The following PLEKHG4B variants were observed in gnomAD, a reference collection of about 807,000 sequenced individuals.
PLEKHG4B encodes the protein pleckstrin homology domain-containing family G member 4B.
Under a neutral mutation model 121.3 loss-of-function variants are expected in PLEKHG4B, and 111 were observed. The observed-to-expected ratio is 0.92, with a 90% CI of 0.78 to 1.07. The LOEUF is 1.07. Ranked by LOEUF, PLEKHG4B falls within the 50% of genes least tolerant of loss-of-function variation. PLEKHG4B has a pLI of 0.00. For synonymous variants in PLEKHG4B, 738 were observed against 725.0 expected, an observed-to-expected ratio of 1.02 and a Z score of -0.29; for missense variants, 1,831 against 1,757.8, an observed-to-expected ratio of 1.04 and a Z score of -0.74.
rs1465533085 is a variant in PLEKHG4B, at chr5:143,385, C to T, written c.1693C>T (p.Arg565Ter). ...CCCTGTCTCTGTCTCCGCAGGGACC[C>T]GAGACCGTCATGGCAGAGCAGTGGT... ...QSGVVTLPGT[R>*]DRHGRAVVQV... is the part of the protein sequence containing the mutation. The change falls in exon 5 of 20, where the codon CGA becomes TGA. Residue 565 changes from arginine to a stop codon, truncating the protein, a stop_gained. Coordinates refer to ENST00000637938, the MANE Select transcript of PLEKHG4B (RefSeq NM_052909.5). LOFTEE classifies it high-confidence loss of function. 5 of 1,612,320 alleles carry T rather than the reference C, an allele frequency of 3.1e-6. No homozygotes were observed. Among genetic ancestry groups the T allele is most frequent in the East Asian group, 2.2e-5 (1 of 44,872 alleles).
chr5:160,352 T>G (rs904594339), intron 11 of PLEKHG4B, among the ~76,000 whole-genome samples: 1 of 152,214 alleles, frequency 6.6e-6, no homozygotes, highest in Non-Finnish European at 1.5e-5. Flanking sequence ...TCTGGATACA[T>G]TCCTAGGCTC....
At chr5:127,961 A>G (rs1734668365) in intron 2 of PLEKHG4B, among the ~76,000 whole-genome samples, 1 of 152,174 alleles carries the variant, frequency 6.6e-6, no homozygotes, top group African/African-American at 2.4e-5. Flanking sequence ...GAATTTAAAC[A>G]TTTTCTGGCT....
chr5:116,632 G>A (rs1447544901), intron 2 of PLEKHG4B, among the ~76,000 whole-genome samples: 1 of 152,224 alleles, frequency 6.6e-6, no homozygotes, highest in Admixed American at 6.5e-5. Context: ...CGGGTTGTGG[G>A]TGTGTTGCAG....
chr5:173,921 G>C lies in PLEKHG4B; in HGVS notation c.4225G>C (p.Ala1409Pro). 1.2e-6 allele frequency: 2 copies of C among 1,613,176 alleles called. No individual in the cohort carries two copies. The highest frequency in any genetic ancestry group is 1.7e-6 in the Non-Finnish European group (2 of 1,179,762). Residue 1409 changes from alanine to proline, a missense_variant, in exon 18 of 20, where the codon GCC becomes CCC. Physicochemically the swap from Ala to Pro is conservative, Grantham distance 27 (BLOSUM62 -1). Transcript: ENST00000637938. The part of the protein sequence containing the change: ...VYLYKQSFKT[A>P]EIGMTENVGD... ...AATGGGTGTTTGCTGACTGCAGACG[G>C]CCGAGATCGGGATGACAGAGAACGT...
intron 6 of PLEKHG4B, among the ~76,000 whole-genome samples, chr5:149,037 A>G (rs920897911): frequency 6.6e-6 from 1 of 152,242 alleles, no homozygotes; most frequent in Non-Finnish European, 1.5e-5. Flanking sequence ...ATGAACTTAG[A>G]TTCTTACCTA....
intron 2 of PLEKHG4B, among the ~76,000 whole-genome samples, chr5:125,325 C>A (rs530213676): frequency 2.0e-5 from 3 of 152,086 alleles, no homozygotes; most frequent in Non-Finnish European, 2.9e-5. Context: ...GTCTTAAATT[C>A]TTTCCTTGTT....
intron 2 of PLEKHG4B, among the ~76,000 whole-genome samples, chr5:131,445 CT>C (rs1189881155): frequency 4.6e-5 from 7 of 151,166 alleles, no homozygotes; most frequent in African/African-American, 4.9e-5. Flanking sequence ...TGAACTCATG[CT>C]TTTTTTTTAT....
intron 1 of PLEKHG4B, among the ~76,000 whole-genome samples, chr5:94,874 A>G (rs1365930298): frequency 6.6e-6 from 1 of 152,106 alleles, no homozygotes; most frequent in Non-Finnish European, 1.5e-5. Context: ...TTCATTGTTT[A>G]CAGGAATCAT....
intron 2 of PLEKHG4B, among the ~76,000 whole-genome samples, chr5:115,900 A>G (rs1056339035): frequency 1.5e-4 from 23 of 152,328 alleles, no homozygotes; most frequent in Admixed American, 1.4e-3. Flanking sequence ...CCATGTCAGC[A>G]ATAAGGCTGT....
At position 140,267 on chromosome 5, in the gene PLEKHG4B, C is replaced by A. The variant is rs760485303; in HGVS notation, c.1028C>A (p.Pro343His). ...PSSRRRPPGDPTCVQPRRWFR... is the reference protein window; with the variant it reads ...PSSRRRPPGDHTCVQPRRWFR... The stretch of plus-strand genomic sequence containing the variant: ...AGCAGGAGGCGGCCGCCGGGGGACC[C>A]CACTTGTGTGCAGCCTAGACGCTGG... The change falls in exon 3 of 20, where the codon CCC becomes CAC. Residue 343 changes from proline to histidine, a missense_variant. Pro to His is a moderately conservative substitution (Grantham distance 77). Coordinates refer to ENST00000637938, the MANE Select transcript of PLEKHG4B (RefSeq NM_052909.5). 23 of 1,458,812 alleles carry A rather than the reference C, an allele frequency of 1.6e-5. No homozygotes were observed. The African/African-American group carries it at 3.1e-4, about 20-fold the overall frequency. 90.4% of individuals were successfully genotyped at this position (1,458,812 alleles called of 1,614,324 possible). A position where few individuals can be genotyped will look rare whatever the true frequency, so the allele number is the denominator to read the frequency against.
intron 13 of PLEKHG4B, among the ~76,000 whole-genome samples, chr5:165,046 G>A (rs1230030000): frequency 1.0e-5 from 1 of 96,236 alleles, no homozygotes; most frequent in Non-Finnish European, 2.2e-5. Context: ...TCACACTAAT[G>A]CTCTGACGGG....
chr5:185,315 G>A lies in PLEKHG4B; in HGVS notation c.*2992G>A, dbSNP rs1198780639. On this transcript the variant is annotated 3_prime_UTR_variant, in exon 20 of 20. Transcript: ENST00000637938. The stretch of plus-strand genomic sequence containing the variant: ...ACCACATGAGTAACTTCACGGGTCT[G>A]TTCTATGTCCAGAGTTGTCAAACTG... The A allele has an allele frequency of 6.6e-6, 1 of 152,248 alleles. No individual in the cohort carries two copies. The highest frequency in any genetic ancestry group is 1.5e-5 in the Non-Finnish European group (1 of 68,056). 9.4% of individuals were successfully genotyped at this position (152,248 alleles called of 1,614,324 possible).
intron 2 of PLEKHG4B, among the ~76,000 whole-genome samples, chr5:117,619 G>A (rs756387870): frequency 2.6e-5 from 4 of 152,164 alleles, no homozygotes; most frequent in African/African-American, 7.2e-5. Context: ...TTGGGAGGCC[G>A]AGGAGGGTGG....
intron 2 of PLEKHG4B, among the ~76,000 whole-genome samples, chr5:127,672 C>T (rs1315122543): frequency 6.6e-6 from 1 of 152,022 alleles, no homozygotes; most frequent in Non-Finnish European, 1.5e-5. Context: ...GAACTTGCAC[C>T]TCTTTGTCTG....
chr5:144,604 A>C (rs1735341908), intron 5 of PLEKHG4B, among the ~76,000 whole-genome samples: 1 of 152,138 alleles, frequency 6.6e-6, no homozygotes, highest in African/African-American at 2.4e-5. Flanking sequence ...GTGCCCAGAG[A>C]CACTGTCTGA....
chr5:148,722 T>A (rs1735509449), intron 6 of PLEKHG4B, among the ~76,000 whole-genome samples: 1 of 152,210 alleles, frequency 6.6e-6, no homozygotes. Context: ...TAGGAAAACC[T>A]ATCCTGAAAT....
At position 92,230 on chromosome 5, in the gene PLEKHG4B, G is replaced by C. The variant is rs946166993; in HGVS notation, c.-2G>C. The C allele has an allele frequency of 5.5e-6, 2 of 363,842 alleles. No individual in the cohort carries two copies. Among genetic ancestry groups the C allele is most frequent in the African/African-American group, 2.3e-5 (1 of 42,640 alleles). 22.5% of individuals were successfully genotyped at this position (363,842 alleles called of 1,614,324 possible). A position where few individuals can be genotyped will look rare whatever the true frequency, so the allele number is the denominator to read the frequency against. On this transcript the variant is annotated 5_prime_UTR_variant, in exon 1 of 20. Transcript: ENST00000637938. ...TCGGAGTTCGGGAGACCAGGGTCCAGCATGGGTTTCAGCACAGCAGACGGC... is the reference window on the plus strand; with the variant it reads ...TCGGAGTTCGGGAGACCAGGGTCCACCATGGGTTTCAGCACAGCAGACGGC...
chr5:145,782 G>T (rs1433888693), intron 6 of PLEKHG4B, among the ~76,000 whole-genome samples: 1 of 152,044 alleles, frequency 6.6e-6, no homozygotes, highest in African/African-American at 2.4e-5. Flanking sequence ...GGGACAGGGG[G>T]GTCCAGGGAC....
chr5:177,106 T>C (rs6880747), intron 18 of PLEKHG4B, among the ~76,000 whole-genome samples: 2,202 of 152,340 alleles, frequency 0.014, 50 homozygotes, highest in African/African-American at 0.046. Context: ...ACACTTACTT[T>C]CTATTTAATT....
Sources: gnomAD v4.1 joint callset for allele counts (sites outside exome capture counted in the v4.1 genomes callset) on GRCh38, gnomAD v4.1.1 for gene constraint, MANE v1.5 for transcripts, NCBI Gene and HGNC (gene_info 2026-07-23, HGNC 2026-07-21) for gene names.